Variants in SKAP1 observed in about 807,000 individuals in gnomAD.
The protein encoded by SKAP1 is src kinase associated phosphoprotein 1, also known as src kinase-associated phosphoprotein 1.
A neutral mutation model predicts 58.5 loss-of-function variants in SKAP1; 44 were observed. That is an observed-to-expected ratio of 0.75 (90% CI 0.59 to 0.97). The LOEUF (loss-of-function observed/expected upper bound fraction) is 0.97, where lower values mean the gene tolerates loss of function less well. Among genes scored for constraint, SKAP1 ranks in the 50% least tolerant of loss-of-function variants. The pLI, the probability that SKAP1 is intolerant of heterozygous loss-of-function variation, is 0.00. For missense variants in SKAP1, 390 were observed against 435.2 expected (o/e 0.90, Z 0.92); for synonymous variants, 127 against 149.7 (o/e 0.85, Z 1.11).
chr17:48,205,379 G>A (rs1199035878), intron 4 of SKAP1, among the ~76,000 whole-genome samples: 1 of 152,006 alleles, frequency 6.6e-6, no homozygotes, highest in African/African-American at 2.4e-5. Flanking sequence ...CCAAAGTGCT[G>A]GGATTACAGG....
chr17:48,438,252 TC>T, the SKAP1 span, among the ~76,000 whole-genome samples: 1 of 152,210 alleles, frequency 6.6e-6, no homozygotes, highest in Non-Finnish European at 1.5e-5. Context: ...GTTGTGAAGA[TC>T]CAAAGAGCTA....
intron 2 of SKAP1, among the ~76,000 whole-genome samples, chr17:48,364,565 C>A (rs2066978792): frequency 6.6e-6 from 1 of 152,124 alleles, no homozygotes; most frequent in South Asian, 2.1e-4. Flanking sequence ...ATCCCAGCTA[C>A]TCAGGAGGCT....
chr17:48,158,199 TGC>T (rs2064009615), intron 11 of SKAP1, among the ~76,000 whole-genome samples: 5 of 93,254 alleles, frequency 5.4e-5, no homozygotes, highest in Admixed American at 1.1e-4. Flanking sequence ...AAAAAAAAAA[TGC>T]GATAAATAGC....
chr17:48,284,803 A>T (rs1202920261), intron 4 of SKAP1, among the ~76,000 whole-genome samples: 2 of 152,186 alleles, frequency 1.3e-5, no homozygotes, highest in East Asian at 3.9e-4. Flanking sequence ...GGGGCTGCTA[A>T]AGAATTGGTG....
At chr17:48,228,783 T>C (rs2065096811) in intron 4 of SKAP1, among the ~76,000 whole-genome samples, 2 of 152,206 alleles carry the variant, frequency 1.3e-5, no homozygotes, top group Non-Finnish European at 2.9e-5. Context: ...TTTTGTTTAG[T>C]GCCTGGGGTT....
chr17:48,439,816 A>C, the SKAP1 span, among the ~76,000 whole-genome samples: 3 of 152,302 alleles, frequency 2.0e-5, no homozygotes, highest in Admixed American at 1.3e-4. Flanking sequence ...AGATGCACTA[A>C]ACATGAGGGC....
chr17:48,184,205 A>G (rs2064412549), intron 7 of SKAP1, among the ~76,000 whole-genome samples: 1 of 152,188 alleles, frequency 6.6e-6, no homozygotes. Flanking sequence ...TTCAATTATT[A>G]TTGTTACTAT....
chr17:48,370,909 T>G (rs949190025), intron 2 of SKAP1, among the ~76,000 whole-genome samples: 1 of 152,178 alleles, frequency 6.6e-6, no homozygotes, highest in African/African-American at 2.4e-5. Flanking sequence ...TAGATTTTTT[T>G]AAATATGGCA....
In SKAP1 at chr17:48,380,305, C is replaced by T. The variant is rs554079877; in HGVS notation, c.152+16375G>A. 11 of 152,298 alleles carry T rather than the reference C, an allele frequency of 7.2e-5. No individual in the cohort carries two copies. In the South Asian group the frequency reaches 1.2e-3, roughly 17 times the overall value. 9.4% of individuals were successfully genotyped at this position (152,298 alleles called of 1,614,324 possible). The stretch of plus-strand genomic sequence containing the variant: ...CACAGAGCAGCATATGAACATATCC[C>T]CATCTCCTCACCCCAGGAGCTAATC... On this transcript the variant is annotated intron_variant, in intron 2 of 12. Transcript: ENST00000336915.
At chr17:48,302,088 C>G (rs2066066102) in intron 4 of SKAP1, among the ~76,000 whole-genome samples, 1 of 152,172 alleles carries the variant, frequency 6.6e-6, no homozygotes, top group African/African-American at 2.4e-5. Flanking sequence ...TGATCAACAA[C>G]TTAAAAATGA....
chr17:48,263,842 C>T (rs562171296), intron 4 of SKAP1, among the ~76,000 whole-genome samples: 3 of 152,260 alleles, frequency 2.0e-5, no homozygotes, highest in South Asian at 2.1e-4. Context: ...GATGGACAGT[C>T]GGACCATTAG....
At chr17:48,404,475 G>T (rs376125882) in intron 1 of SKAP1, among the ~76,000 whole-genome samples, 1 of 151,948 alleles carries the variant, frequency 6.6e-6, no homozygotes. Context: ...ACAAAAATTC[G>T]TATGGCGAGA....
At chr17:48,246,561 G>A (rs953439983) in intron 4 of SKAP1, among the ~76,000 whole-genome samples, 1 of 152,162 alleles carries the variant, frequency 6.6e-6, no homozygotes, top group African/African-American at 2.4e-5. Flanking sequence ...TCTTCATGGA[G>A]TTCTAGAGCT....
At chr17:48,427,440 T>C (rs1440718370) in intron 1 of SKAP1, among the ~76,000 whole-genome samples, 2 of 152,168 alleles carry the variant, frequency 1.3e-5, no homozygotes, top group East Asian at 1.9e-4. Flanking sequence ...GTGCATATAC[T>C]ACTTCATGAC....
At chr17:48,170,499 C>T in intron 10 of SKAP1, 110 bp downstream of exon 10, 1 of 923,568 alleles carries the variant, frequency 1.1e-6, no homozygotes, top group Non-Finnish European at 1.8e-6. Context: ...CACAGGTACC[C>T]TCTTAATTAT....
chr17:48,412,266 G>A (rs1418651748), intron 1 of SKAP1, among the ~76,000 whole-genome samples: 1 of 152,132 alleles, frequency 6.6e-6, no homozygotes. Flanking sequence ...TGCCAGTCAG[G>A]CACTGTGATA....
intron 3 of SKAP1, among the ~76,000 whole-genome samples, chr17:48,362,971 C>A (rs191228470): frequency 1.3e-5 from 2 of 152,202 alleles, no homozygotes; most frequent in East Asian, 1.9e-4. Context: ...GAAAATAAAG[C>A]CCCTCCATTT....
chr17:48,433,202 C>T (rs1278839101), upstream of SKAP1, among the ~76,000 whole-genome samples: 1 of 152,142 alleles, frequency 6.6e-6, no homozygotes, highest in Non-Finnish European at 1.5e-5. Context: ...TTTTTGAAAT[C>T]CAATTTCGCA....
chr17:48,217,577 T>G (rs1358351908), intron 4 of SKAP1, among the ~76,000 whole-genome samples: 1 of 151,902 alleles, frequency 6.6e-6, no homozygotes, highest in African/African-American at 2.4e-5. Context: ...AGCCAAGAGG[T>G]CGAGACTGCA....
Sources: gnomAD v4.1 joint callset for allele counts (sites outside exome capture counted in the v4.1 genomes callset) on GRCh38, gnomAD v4.1.1 for gene constraint, MANE v1.5 for transcripts, NCBI Gene and HGNC (gene_info 2026-07-23, HGNC 2026-07-21) for gene names.